The following BCAR3 variants were observed in gnomAD, a reference collection of about 807,000 sequenced individuals.
The protein encoded by BCAR3 is BCAR3 adaptor protein, NSP family member, also known as breast cancer anti-estrogen resistance protein 3.
Under a neutral mutation model 80.1 loss-of-function variants are expected in BCAR3, and 37 were observed. The ratio of observed to expected loss-of-function variants is 0.46; its 90% confidence interval spans 0.36 to 0.61. The LOEUF (loss-of-function observed/expected upper bound fraction) is 0.61. Among genes scored for constraint, BCAR3 ranks in the 20% least tolerant of loss-of-function variants. BCAR3 has a pLI of 0.00. For missense variants in BCAR3, 978 were observed against 1,068.2 expected (o/e 0.92, Z 1.18); for synonymous variants, 389 against 418.9 (o/e 0.93, Z 0.87).
chr1:93,802,885 A>G (rs940886242), intron 2 of BCAR3, among the ~76,000 whole-genome samples: 2 of 152,100 alleles, frequency 1.3e-5, no homozygotes, highest in African/African-American at 4.8e-5. Flanking sequence ...GCTCCTTCCA[A>G]TTGTGCACAT....
chr1:93,630,658 T>G (rs1235748439), intron 3 of BCAR3, among the ~76,000 whole-genome samples: 1 of 151,962 alleles, frequency 6.6e-6, no homozygotes, highest in Non-Finnish European at 1.5e-5. Context: ...AAATAAAATT[T>G]GGGACAAATG....
intron 2 of BCAR3, among the ~76,000 whole-genome samples, chr1:93,805,905 A>T (rs918824783): frequency 6.6e-6 from 1 of 152,182 alleles, no homozygotes; most frequent in Non-Finnish European, 1.5e-5. Flanking sequence ...AGAGGATGTT[A>T]TGAAAAAGAA....
At chr1:93,577,408 G>A (rs1475282833) in intron 7 of BCAR3, among the ~76,000 whole-genome samples, 3 of 152,112 alleles carry the variant, frequency 2.0e-5, no homozygotes, top group South Asian at 4.2e-4. Context: ...CAACCCTGAG[G>A]GGATGACCCT....
intron 2 of BCAR3, among the ~76,000 whole-genome samples, chr1:93,762,696 G>A (rs1571106799): frequency 6.6e-6 from 1 of 152,080 alleles, no homozygotes; most frequent in East Asian, 1.9e-4. Flanking sequence ...AAAAACCCTT[G>A]TTCTCCTCCC....
At chr1:93,847,916 C>T, upstream of BCAR3, 2 of 246,582 alleles carry the variant, frequency 8.1e-6, no homozygotes, top group Non-Finnish European at 1.6e-5. Flanking sequence ...GCGGCGGCGG[C>T]GGCGGCGAAG....
At position 93,642,299 on chromosome 1, in the gene BCAR3, C is replaced by A. The variant is rs1313150970; in HGVS notation, c.357+5G>T. On this transcript the variant is annotated splice_donor_5th_base_variant and intron_variant, in intron 3 of 11. Transcript: ENST00000260502. ...ACGGCTACATGTTTAATTCTCATTT[C>A]CTACCTTCACATATTCCACAGTTGG... is the stretch of plus-strand genomic sequence containing the variant. 2 of 1,613,272 alleles carry A rather than the reference C, an allele frequency of 1.2e-6. No individual in the cohort carries two copies. The highest frequency in any genetic ancestry group is 3.3e-5 in the Admixed American group (2 of 60,012).
intron 2 of BCAR3, among the ~76,000 whole-genome samples, chr1:93,643,585 T>TG (rs1251783077): frequency 9.9e-4 from 146 of 147,956 alleles, no homozygotes; most frequent in African/African-American, 3.2e-3. Flanking sequence ...GAAATTTTTT[T>TG]AAAAATACAG....
At chr1:93,620,510 G>A (rs74528956) in intron 3 of BCAR3, among the ~76,000 whole-genome samples, 1 of 152,036 alleles carries the variant, frequency 6.6e-6, no homozygotes, top group African/African-American at 2.4e-5. Flanking sequence ...ATCTGACTGG[G>A]GATCCTGTGG....
chr1:93,675,878 T>C (rs1421858586), intron 1 of BCAR3, among the ~76,000 whole-genome samples: 1 of 123,274 alleles, frequency 8.1e-6, no homozygotes, highest in East Asian at 2.4e-4. Context: ...AGACAAATTA[T>C]ATAATACATT....
At chr1:93,595,796 G>A (rs572524749) in intron 3 of BCAR3, among the ~76,000 whole-genome samples, 1 of 152,356 alleles carries the variant, frequency 6.6e-6, no homozygotes, top group African/African-American at 2.4e-5. Flanking sequence ...ATTGATATCT[G>A]TGCTTCTTGG....
intron 2 of BCAR3, among the ~76,000 whole-genome samples, chr1:93,781,651 C>T (rs1364511162): frequency 6.6e-6 from 1 of 152,176 alleles, no homozygotes; most frequent in African/African-American, 2.4e-5. Flanking sequence ...AGATCCTTGC[C>T]TATCTACAAA....
At chr1:93,749,715 T>G (rs1211220135) in intron 2 of BCAR3, among the ~76,000 whole-genome samples, 1 of 152,162 alleles carries the variant, frequency 6.6e-6, no homozygotes, top group Non-Finnish European at 1.5e-5. Context: ...TACTTTCAAG[T>G]CAATTTAAAA....
chr1:93,824,813 T>A (rs1453083514), intron 2 of BCAR3, among the ~76,000 whole-genome samples: 1 of 134,376 alleles, frequency 7.4e-6, no homozygotes, highest in Non-Finnish European at 1.7e-5. Context: ...TTCTGTCTCA[T>A]CAAAAAATGC....
At chr1:93,677,143 T>C (rs1557651198) in intron 1 of BCAR3, among the ~76,000 whole-genome samples, 1 of 152,180 alleles carries the variant, frequency 6.6e-6, no homozygotes, top group African/African-American at 2.4e-5. Context: ...GAATAATTCA[T>C]AGAGGCCCTT....
chr1:93,708,364 C>A (rs544277534), intron 2 of BCAR3, among the ~76,000 whole-genome samples: 1 of 152,294 alleles, frequency 6.6e-6, no homozygotes, highest in Non-Finnish European at 1.5e-5. Context: ...TAGGATGAGT[C>A]CAAAAACCAT....
intron 3 of BCAR3, among the ~76,000 whole-genome samples, chr1:93,699,679 A>T (rs1362353146): frequency 6.6e-6 from 1 of 152,112 alleles, no homozygotes; most frequent in African/African-American, 2.4e-5. Context: ...CTCTCAGAGG[A>T]TGATTGCCAA....
Position 93,584,081 on chromosome 1 carries a change from G to A in BCAR3, c.970C>T (p.His324Tyr). ...KSGSQPACLD[H>Y]MQDRRALSLK... ...GACAAGGCTCTTCTGTCCTGCATGT[G>A]ATCCAGGCAGGCGGGCTGGCTACCA... Residue 324 changes from histidine to tyrosine, a missense_variant, in exon 6 of 12, where the codon CAC becomes TAC. Coordinates refer to ENST00000260502, the MANE Select transcript of BCAR3 (RefSeq NM_003567.4). The A allele has an allele frequency of 6.2e-7, 1 of 1,614,164 alleles. No homozygotes were observed. The highest frequency in any genetic ancestry group is 8.5e-7 in the Non-Finnish European group (1 of 1,180,020).
intron 2 of BCAR3, among the ~76,000 whole-genome samples, chr1:93,728,091 C>A (rs1650655012): frequency 1.3e-5 from 2 of 152,232 alleles, no homozygotes; most frequent in African/African-American, 4.8e-5. Context: ...GGGAGTGTAT[C>A]CCCACTGACA....
chr1:93,770,783 T>C (rs1254430151), intron 2 of BCAR3, among the ~76,000 whole-genome samples: 1 of 152,120 alleles, frequency 6.6e-6, no homozygotes, highest in Admixed American at 6.5e-5. Context: ...ACCAGTTTTC[T>C]AGAGAATTAG....
Sources: allele counts gnomAD v4.1 joint callset (sites outside exome capture counted in the v4.1 genomes callset), GRCh38; gene constraint gnomAD v4.1.1; transcripts MANE v1.5; gene names NCBI Gene and HGNC (gene_info 2026-07-23, HGNC 2026-07-21).